Variants in EML5 observed in about 807,000 individuals in gnomAD.
The protein encoded by EML5 is echinoderm microtubule-associated protein-like 5.
EML5 carries 120 observed loss-of-function variants against 250.0 expected under a neutral mutation model. The ratio of observed to expected loss-of-function variants is 0.48; its 90% CI spans 0.41 to 0.56. The LOEUF is 0.56. Among genes scored for constraint, EML5 ranks in the 20% least tolerant of loss-of-function variants. The pLI is 0.00. For missense variants in EML5, 2,006 were observed against 2,437.6 expected, an observed-to-expected ratio of 0.82 and a Z score of 3.73; for synonymous variants, 771 against 806.5, an observed-to-expected ratio of 0.96 and a Z score of 0.75.
At chr14:88,645,864 T>C (rs984769817) in intron 29 of EML5, among the ~76,000 whole-genome samples, 1 of 152,238 alleles carries the variant, frequency 6.6e-6, no homozygotes, top group Non-Finnish European at 1.5e-5. Context: ...CCCTCTTCTC[T>C]GTTCAGGATC....
In EML5 at chr14:88,643,020, G is replaced by A. The variant is rs191176674; in HGVS notation, c.4110C>T (p.Asp1370=). The A allele has an allele frequency of 6.4e-7, 1 of 1,568,546 alleles. No individual in the cohort carries two copies. The highest frequency in any genetic ancestry group is 8.6e-7 in the Non-Finnish European group (1 of 1,166,678). Reference sequence around the variant, plus strand: ...AACCAAAAATGAGCTCCAACACAAGGTCCTATAATGATAATAATAAAACCA... The same window carrying A: ...AACCAAAAATGAGCTCCAACACAAGATCCTATAATGATAATAATAAAACCA... ...NVGKKKRPIE[D]LVLELIFGYR... The change falls in exon 31 of 44, where the codon GAC becomes GAT. Residue 1370 remains aspartate, a splice_region_variant and synonymous_variant. Transcript: ENST00000554922.
In EML5 at chr14:88,756,354, T is replaced by G. The variant is rs1281758949; in HGVS notation, c.198-1683A>C. On this transcript the variant is annotated intron_variant, in intron 1 of 43. Transcript: ENST00000554922. Reference sequence around the variant, plus strand: ...AAACTAGAAACTGAAGGAAACTTCCTCAAACTGACAAAGGACATCTACATA... The same window carrying G: ...AAACTAGAAACTGAAGGAAACTTCCGCAAACTGACAAAGGACATCTACATA... 2.0e-5 allele frequency among the ~76,000 whole-genome samples: 3 copies of G among 152,138 alleles called. No individual in the cohort carries two copies. The East Asian group carries it at 5.8e-4, about 29-fold the overall frequency.
At chr14:88,775,181 A>T (rs764509520) in intron 1 of EML5, among the ~76,000 whole-genome samples, 3 of 152,174 alleles carry the variant, frequency 2.0e-5, no homozygotes, top group Non-Finnish European at 4.4e-5. Flanking sequence ...GATACAGCAC[A>T]TTATCAACTG....
In EML5 at chr14:88,620,968, T is replaced by TA. The variant is rs2088810764; in HGVS notation, c.5203-43dup. The TA allele has an allele frequency of 6.8e-7, 1 of 1,475,840 alleles. No individual in the cohort carries two copies. The highest frequency in any genetic ancestry group is 1.4e-5 in the African/African-American group (1 of 69,796). The allele number at this position is 1,475,840 out of a possible 1,614,324, so 91.4% of individuals were successfully genotyped here. A position where few individuals can be genotyped will look rare whatever the true frequency, so the allele number is the denominator to read the frequency against. Reference sequence around the variant, plus strand: ...AAAAAAAAAGAGTCATAGGAAACATTAAGTGAAGTACTTCTAAATTATACC... The same window carrying TA: ...AAAAAAAAAGAGTCATAGGAAACATTAAAGTGAAGTACTTCTAAATTATACC... On this transcript the variant is annotated intron_variant, in intron 38 of 43. Coordinates refer to ENST00000554922, the MANE Select transcript of EML5 (RefSeq NM_183387.3). The surrounding 1 kb of genome is among the most constrained non-coding windows in gnomAD (Gnocchi z 4.3).
At chr14:88,693,890 C>T (rs1170565493) in intron 17 of EML5, among the ~76,000 whole-genome samples, 2 of 146,884 alleles carry the variant, frequency 1.4e-5, no homozygotes, top group South Asian at 2.2e-4. Context: ...TCCACCTTAT[C>T]GTCCCAAGAA....
chr14:88,661,921 G>T, intron 24 of EML5, 91 bp from the exon 25 acceptor site: 2 of 1,130,596 alleles, frequency 1.8e-6, no homozygotes, highest in Non-Finnish European at 2.5e-6. Context: ...GTAGTTATGT[G>T]TGTCACAAGT....
chr14:88,694,012 A>T (rs2093021065), intron 17 of EML5, among the ~76,000 whole-genome samples: 1 of 150,564 alleles, frequency 6.6e-6, no homozygotes, highest in African/African-American at 2.4e-5. Context: ...GGCTCAAGTG[A>T]TCCTCCCACC....
At chr14:88,630,594 C>G (rs2090387067) in intron 33 of EML5, among the ~76,000 whole-genome samples, 1 of 152,162 alleles carries the variant, frequency 6.6e-6, no homozygotes, top group African/African-American at 2.4e-5. Flanking sequence ...ACCCAGACCT[C>G]AGTGATTAGT....
intron 31 of EML5, among the ~76,000 whole-genome samples, chr14:88,639,729 A>G (rs2090952744): frequency 6.6e-6 from 1 of 152,090 alleles, no homozygotes; most frequent in Admixed American, 6.6e-5. Flanking sequence ...GGTGTGTGCC[A>G]TCATGCCCAG....
chr14:88,650,010 G>A lies in EML5; in HGVS notation c.4005-84C>T, dbSNP rs2091544642. The stretch of plus-strand genomic sequence containing the variant: ...GAATACAGCATTTTAGCAAACAGAA[G>A]AAAGGCAACATGTCAACAGAATTTT... On this transcript the variant is annotated intron_variant, in intron 27 of 43. Transcript: ENST00000554922. 3.2e-6 allele frequency: 3 copies of A among 937,102 alleles called. No homozygotes were observed. In the African/African-American group the frequency reaches 5.1e-5, roughly 16 times the overall value. The allele number at this position is 937,102 out of a possible 1,614,324, so 58.0% of individuals were successfully genotyped here.
intron 8 of EML5, among the ~76,000 whole-genome samples, chr14:88,719,079 T>C (rs1056733549): frequency 2.0e-5 from 3 of 152,110 alleles, no homozygotes; most frequent in Non-Finnish European, 4.4e-5. Context: ...TGGCTAGCCA[T>C]TGGTAGAATC....
At chr14:88,692,842 C>A (rs2092991641) in intron 17 of EML5, among the ~76,000 whole-genome samples, 1 of 152,134 alleles carries the variant, frequency 6.6e-6, no homozygotes, top group Non-Finnish European at 1.5e-5. Flanking sequence ...TAATTCATGT[C>A]CCATGTAATT....
chr14:88,707,270 T>TTTTA (rs36057410), intron 10 of EML5, among the ~76,000 whole-genome samples: 37,077 of 145,450 alleles, frequency 0.25, 5,175 homozygotes, highest in East Asian at 0.53. Context: ...TAGGGATATA[T>TTTTA]TTTATTTATT....
At chr14:88,652,146 C>T (rs1274121843) in intron 27 of EML5, among the ~76,000 whole-genome samples, 1 of 152,134 alleles carries the variant, frequency 6.6e-6, no homozygotes, top group Non-Finnish European at 1.5e-5. Flanking sequence ...TTATGGTATA[C>T]TGTGCTTTCT....
chr14:88,765,594 C>T (rs1417613608), intron 1 of EML5, among the ~76,000 whole-genome samples: 1 of 152,126 alleles, frequency 6.6e-6, no homozygotes, highest in African/African-American at 2.4e-5. Context: ...TCAAGATACT[C>T]TCAATATCTT....
At chr14:88,712,645 G>A (rs752212196) in intron 9 of EML5, among the ~76,000 whole-genome samples, 162 bp from the exon 10 acceptor site, 1 of 152,128 alleles carries the variant, frequency 6.6e-6, no homozygotes, top group Non-Finnish European at 1.5e-5. Flanking sequence ...TAAGAGAAAA[G>A]AAAACTAAAT....
intron 8 of EML5, among the ~76,000 whole-genome samples, chr14:88,722,128 G>A (rs2093599793): frequency 6.6e-6 from 1 of 152,198 alleles, no homozygotes; most frequent in African/African-American, 2.4e-5. Context: ...ATGCTGGTGA[G>A]GTTGAAGAGA....
chr14:88,687,996 A>C (rs113031921), intron 18 of EML5, among the ~76,000 whole-genome samples: 1 of 152,144 alleles, frequency 6.6e-6, no homozygotes, highest in Admixed American at 6.5e-5. Context: ...TCTTGAGCCC[A>C]GGAGCTGGAG....
chr14:88,640,412 C>A (rs1261107102), intron 31 of EML5, among the ~76,000 whole-genome samples: 6 of 152,088 alleles, frequency 3.9e-5, no homozygotes, highest in Non-Finnish European at 8.8e-5. Context: ...CAAAACCACA[C>A]AATTACGTAA....
Sources: allele counts gnomAD v4.1 joint callset (sites outside exome capture counted in the v4.1 genomes callset), GRCh38; gene constraint gnomAD v4.1.1; non-coding constraint Gnocchi (gnomAD v3.1); transcripts MANE v1.5; gene names NCBI Gene and HGNC (gene_info 2026-07-23, HGNC 2026-07-21).